The following ANKRD44 variants were observed in gnomAD, a reference collection of about 807,000 sequenced individuals.
ANKRD44 encodes serine/threonine-protein phosphatase 6 regulatory ankyrin repeat subunit B.
A neutral mutation model predicts 116.0 loss-of-function variants in ANKRD44; 35 were observed. The observed-to-expected ratio is 0.30, with a 90% CI of 0.23 to 0.40. ANKRD44 has a LOEUF of 0.40. Among genes scored for constraint, ANKRD44 ranks in the 10% least tolerant of loss-of-function variants. The probability of loss-of-function intolerance (pLI) is 1.00; values close to 1 mark genes in which losing one functional copy is unlikely to be tolerated. For missense variants in ANKRD44, 1,014 were observed against 1,242.6 expected (o/e 0.82, Z 2.77); for synonymous variants, 435 against 461.8 (o/e 0.94, Z 0.74).
At chr2:197,100,656 G>A (rs980829751) in intron 9 of ANKRD44, among the ~76,000 whole-genome samples, 2 of 152,136 alleles carry the variant, frequency 1.3e-5, no homozygotes, top group African/African-American at 2.4e-5. Context: ...AACCAAAGGG[G>A]ATGGACAGTT....
At chr2:197,221,261 A>G (rs1241009541) in intron 1 of ANKRD44, among the ~76,000 whole-genome samples, 1 of 151,754 alleles carries the variant, frequency 6.6e-6, no homozygotes, top group Non-Finnish European at 1.5e-5. Flanking sequence ...AAAAAAAAAA[A>G]AAATAGCTGC....
intron 21 of ANKRD44, among the ~76,000 whole-genome samples, chr2:197,005,389 T>C (rs1284286728): frequency 6.6e-6 from 1 of 152,220 alleles, no homozygotes; most frequent in African/African-American, 2.4e-5. Flanking sequence ...ATCCTGGTTA[T>C]ATTATATAGA....
At chr2:197,165,168 TCTGG>T (rs919246759) in intron 2 of ANKRD44, among the ~76,000 whole-genome samples, 1 of 152,208 alleles carries the variant, frequency 6.6e-6, no homozygotes, top group South Asian at 2.1e-4. Flanking sequence ...ACACGCCCCT[TCTGG>T]CTGGCTGGCT....
At chr2:197,221,877 C>T (rs2081593420) in intron 1 of ANKRD44, among the ~76,000 whole-genome samples, 1 of 152,134 alleles carries the variant, frequency 6.6e-6, no homozygotes, top group Non-Finnish European at 1.5e-5. Context: ...AGAAAGCACC[C>T]AGTGTTAAGG....
At chr2:197,024,344 T>C (rs1370297298) in intron 17 of ANKRD44, among the ~76,000 whole-genome samples, 1 of 152,176 alleles carries the variant, frequency 6.6e-6, no homozygotes, top group African/African-American at 2.4e-5. Context: ...CCAAACACCA[T>C]CTTTGTGGCC....
chr2:197,062,555 A>G lies in ANKRD44; in HGVS notation c.1650+16148T>C, dbSNP rs1347589196. On this transcript the variant is annotated intron_variant, in intron 16 of 27. Coordinates refer to ENST00000282272, the MANE Select transcript of ANKRD44 (RefSeq NM_001195144.2). ...AGGCATCGCCTCACCCGGGAAGCGCAAGGGGTCAGGGAATTCCCTTTCCTA... is the reference window on the plus strand; with the variant it reads ...AGGCATCGCCTCACCCGGGAAGCGCGAGGGGTCAGGGAATTCCCTTTCCTA... Among the ~76,000 whole-genome samples the G allele has an allele frequency of 5.3e-5, 8 of 152,214 alleles. No individual in the cohort carries two copies. The East Asian group carries it at 1.5e-3, about 29-fold the overall frequency.
chr2:196,998,939 A>G lies in ANKRD44; in HGVS notation c.2633T>C (p.Met878Thr), dbSNP rs1308916856. 7.4e-6 allele frequency: 12 copies of G among 1,614,124 alleles called. No individual in the cohort carries two copies. The highest frequency in any genetic ancestry group is 1.7e-5 in the Admixed American group (1 of 60,002). ...VDNSGKTALMMAAENGQAGAV... is the reference protein window; with the variant it reads ...VDNSGKTALMTAAENGQAGAV... ...GCCTGCCTGCCCATTCTCAGCAGCC[A>G]TCATCAGTGCTGTTTTCCCTGAATT... Residue 878 changes from methionine to threonine, a missense_variant, in exon 24 of 28, where the codon ATG becomes ACG. Met to Thr is a moderately conservative substitution (Grantham distance 81). Coordinates refer to ENST00000282272, the MANE Select transcript of ANKRD44 (RefSeq NM_001195144.2).
intron 1 of ANKRD44, among the ~76,000 whole-genome samples, chr2:197,267,783 C>T (rs557484101): frequency 1.3e-5 from 2 of 152,242 alleles, no homozygotes; most frequent in Admixed American, 6.5e-5. Context: ...ACTGTCTCTC[C>T]GTGCTGACTG....
chr2:197,305,967 T>TATATATA lies in ANKRD44; in HGVS notation c.27+4610_27+4611insTATATAT, dbSNP rs2084057380. Among the ~76,000 whole-genome samples, 121 of 124,732 alleles carry TATATATA rather than the reference T, an allele frequency of 9.7e-4. 3 individuals carry two copies. The highest frequency in any genetic ancestry group is 4.2e-3 in the African/African-American group (116 of 27,532). 81.8% of individuals were successfully genotyped at this position (124,732 alleles called of 152,430 possible). A position where few individuals can be genotyped will look rare whatever the true frequency, so the allele number is the denominator to read the frequency against. ...TTTCCTATAATGACCGCAGTTCGTT[T>TATATATA]TATATATATATATATATATATATAT... On this transcript the variant is annotated intron_variant, in intron 1 of 27. Transcript: ENST00000282272.
intron 16 of ANKRD44, among the ~76,000 whole-genome samples, chr2:197,056,198 G>T (rs1317319372): frequency 6.6e-6 from 1 of 151,868 alleles, no homozygotes; most frequent in African/African-American, 2.4e-5. Context: ...AAGTCCCCAG[G>T]TTGTTCTTTT....
At chr2:197,131,144 A>G (rs2079084837) in intron 4 of ANKRD44, among the ~76,000 whole-genome samples, 1 of 152,124 alleles carries the variant, frequency 6.6e-6, no homozygotes, top group Non-Finnish European at 1.5e-5. Context: ...GTTAAAAGAG[A>G]ATAATATACA....
At chr2:196,983,219 GA>G (rs957897492), downstream of ANKRD44, among the ~76,000 whole-genome samples, 1,634 of 149,176 alleles carry the variant, frequency 0.011, 34 homozygotes, top group African/African-American at 0.038. Context: ...AAAAATGACA[GA>G]AAAAAAAAAT....
chr2:196,967,764 A>T (rs2075684406), intron 21 of ANKRD44, among the ~76,000 whole-genome samples: 1 of 152,224 alleles, frequency 6.6e-6, no homozygotes, highest in South Asian at 2.1e-4. Flanking sequence ...TAAGAATCTG[A>T]AAAACAATTC....
intron 8 of ANKRD44, among the ~76,000 whole-genome samples, chr2:197,111,540 A>G (rs2697268): frequency 0.92 from 139,780 of 151,916 alleles, 64,769 homozygotes; most frequent in East Asian, 1. Context: ...TGGGGATGCT[A>G]AGGTGGGAGA....
chr2:197,036,867 A>T (rs1169866261), intron 16 of ANKRD44, among the ~76,000 whole-genome samples: 3 of 152,236 alleles, frequency 2.0e-5, no homozygotes, highest in Non-Finnish European at 4.4e-5. Flanking sequence ...CTCTATCCTG[A>T]TAAAGTTTTA....
At chr2:197,252,888 TA>T (rs1446547243) in intron 1 of ANKRD44, among the ~76,000 whole-genome samples, 1 of 152,156 alleles carries the variant, frequency 6.6e-6, no homozygotes, top group Non-Finnish European at 1.5e-5. Flanking sequence ...ATCCTTTACC[TA>T]AAAAAGAGTA....
At position 196,987,927 on chromosome 2, in the gene ANKRD44, C is replaced by G. The variant is rs1446208843; in HGVS notation, c.*1664G>C. 3.1e-6 allele frequency: 3 copies of G among 983,112 alleles called. No individual in the cohort carries two copies. Among genetic ancestry groups the G allele is most frequent in the African/African-American group, 1.8e-5 (1 of 56,940 alleles). 60.9% of individuals were successfully genotyped at this position (983,112 alleles called of 1,614,324 possible). Reference sequence around the variant, plus strand: ...ATACAGAAATGATAGTTTTTAAAGTCATTTCTTTAAAAAAATTTTGCCTTG... The same window carrying G: ...ATACAGAAATGATAGTTTTTAAAGTGATTTCTTTAAAAAAATTTTGCCTTG... On this transcript the variant is annotated 3_prime_UTR_variant, in exon 28 of 28. Coordinates refer to ENST00000282272, the MANE Select transcript of ANKRD44 (RefSeq NM_001195144.2).
At chr2:197,031,928 G>T (rs980429823) in intron 16 of ANKRD44, among the ~76,000 whole-genome samples, 2 of 152,110 alleles carry the variant, frequency 1.3e-5, no homozygotes, top group Admixed American at 6.5e-5. Context: ...CTAACTGCTT[G>T]ATAAGGCTAG....
At position 197,003,834 on chromosome 2, in the gene ANKRD44, T is replaced by TA. The variant is rs564169386; in HGVS notation, c.2347+1859dup. Among the ~76,000 whole-genome samples the TA allele has an allele frequency of 3.2e-3, 465 of 146,676 alleles. 6 individuals are homozygous for TA. The East Asian group carries it at 0.055, about 17-fold the overall frequency. ...AGATGGGGGTCACCCATTAGTAGGT[T>TA]AAAAAAAAAAATCACAATCCTCCAA... On this transcript the variant is annotated intron_variant, in intron 21 of 27. Coordinates refer to ENST00000282272, the MANE Select transcript of ANKRD44 (RefSeq NM_001195144.2).
Sources: gnomAD v4.1 joint callset for allele counts (sites outside exome capture counted in the v4.1 genomes callset) on GRCh38, gnomAD v4.1.1 for gene constraint, MANE v1.5 for transcripts, NCBI Gene and HGNC (gene_info 2026-07-23, HGNC 2026-07-21) for gene names.